The following FAM107B variants were observed in gnomAD, a reference collection of about 807,000 sequenced individuals.
FAM107B encodes the protein protein FAM107B.
A neutral mutation model predicts 31.5 loss-of-function variants in FAM107B; 21 were observed. The observed-to-expected ratio is 0.67, with a 90% confidence interval of 0.47 to 0.96. The LOEUF (loss-of-function observed/expected upper bound fraction) is 0.96, where lower values mean the gene tolerates loss of function less well. Ranked by LOEUF, FAM107B falls within the 40% of genes least tolerant of loss-of-function variation. The probability of loss-of-function intolerance (pLI) is 0.00; values close to 1 mark genes in which losing one functional copy is unlikely to be tolerated. For missense variants in FAM107B, 452 were observed against 377.1 expected, an observed-to-expected ratio of 1.20 and a Z score of -1.64; for synonymous variants, 157 against 141.5, an observed-to-expected ratio of 1.11 and a Z score of -0.78.
chr10:14,652,242 AC>A (rs1853919986), intron 2 of FAM107B, among the ~76,000 whole-genome samples: 1 of 152,140 alleles, frequency 6.6e-6, no homozygotes, highest in Admixed American at 6.6e-5. Context: ...CCATGAGCTC[AC>A]CCTCCTGCAG....
intron 1 of FAM107B, among the ~76,000 whole-genome samples, chr10:14,694,962 C>T (rs991257351): frequency 3.3e-5 from 5 of 152,040 alleles, no homozygotes; most frequent in African/African-American, 7.2e-5. Context: ...TGTTTCACTA[C>T]GATGATGGTT....
At chr10:14,578,185 G>A (rs1458062790) in intron 2 of FAM107B, among the ~76,000 whole-genome samples, 1 of 152,190 alleles carries the variant, frequency 6.6e-6, no homozygotes. Context: ...TCTGTTAACT[G>A]CAAGCAGGTG....
chr10:14,724,957 G>A (rs1192403195), intron 1 of FAM107B, among the ~76,000 whole-genome samples: 1 of 152,170 alleles, frequency 6.6e-6, no homozygotes, highest in African/African-American at 2.4e-5. Flanking sequence ...CATCCACAAG[G>A]CTCCCATAAC....
intron 1 of FAM107B, chr10:14,723,339 C>T: frequency 1.8e-6 from 1 of 544,360 alleles, no homozygotes; most frequent in Non-Finnish European, 3.6e-6. Context: ...GGCTAAGTAG[C>T]AGTGAACTCA....
At chr10:14,622,109 C>T (rs993456707) in intron 2 of FAM107B, among the ~76,000 whole-genome samples, 2 of 152,142 alleles carry the variant, frequency 1.3e-5, no homozygotes, top group Non-Finnish European at 1.5e-5. Flanking sequence ...TTAATAAAGT[C>T]CATCTTTCAA....
intron 2 of FAM107B, among the ~76,000 whole-genome samples, chr10:14,564,782 C>T: frequency 6.6e-6 from 1 of 152,168 alleles, no homozygotes; most frequent in African/African-American, 2.4e-5. Flanking sequence ...ACTAACAATC[C>T]AACTGAAAGG....
At chr10:14,597,929 G>A (rs1852240533) in intron 2 of FAM107B, among the ~76,000 whole-genome samples, 1 of 152,154 alleles carries the variant, frequency 6.6e-6, no homozygotes, top group Non-Finnish European at 1.5e-5. Flanking sequence ...CAGCCTGGGT[G>A]ACAGAGTGAG....
chr10:14,755,496 C>CAAA (rs561070511), intron 1 of FAM107B, among the ~76,000 whole-genome samples: 1 of 113,838 alleles, frequency 8.8e-6, no homozygotes, highest in Non-Finnish European at 1.9e-5. Context: ...GATTCTGTCT[C>CAAA]AAAAAAAAAA....
At chr10:14,583,468 G>C (rs111751520) in intron 2 of FAM107B, among the ~76,000 whole-genome samples, 1 of 152,100 alleles carries the variant, frequency 6.6e-6, no homozygotes, top group African/African-American at 2.4e-5. Context: ...TCACCTTAGC[G>C]GGAAGTCACC....
At chr10:14,680,081 C>T (rs760538912) in intron 1 of FAM107B, among the ~76,000 whole-genome samples, 2 of 152,154 alleles carry the variant, frequency 1.3e-5, no homozygotes, top group Non-Finnish European at 2.9e-5. Flanking sequence ...TTCTGTCCCT[C>T]TAGAGAACCC....
intron 1 of FAM107B, among the ~76,000 whole-genome samples, chr10:14,726,916 T>G (rs575386914): frequency 6.6e-6 from 1 of 152,090 alleles, no homozygotes; most frequent in African/African-American, 2.4e-5. Flanking sequence ...TCTAATGAAA[T>G]AAGTATGCAA....
At chr10:14,599,642 T>C (rs1415524704) in intron 2 of FAM107B, among the ~76,000 whole-genome samples, 1 of 152,016 alleles carries the variant, frequency 6.6e-6, no homozygotes, top group African/African-American at 2.4e-5. Flanking sequence ...ATCTCTACAG[T>C]TTTTTAAAAA....
chr10:14,638,993 C>T (rs1588675890), intron 2 of FAM107B, among the ~76,000 whole-genome samples: 1 of 152,036 alleles, frequency 6.6e-6, no homozygotes, highest in East Asian at 1.9e-4. Flanking sequence ...GATTTCGAGA[C>T]CAGTCTGAGT....
intron 1 of FAM107B, among the ~76,000 whole-genome samples, chr10:14,748,101 G>A (rs1368539480): frequency 6.6e-6 from 1 of 152,156 alleles, no homozygotes. Context: ...TTCTATCAAA[G>A]CACTTACTGT....
chr10:14,705,023 CA>C lies in FAM107B; in HGVS notation c.412-37333del, dbSNP rs57922026. 3.6e-3 allele frequency among the ~76,000 whole-genome samples: 320 copies of C among 87,904 alleles called. 1 individual carries two copies. Among genetic ancestry groups the C allele is most frequent in the African/African-American group, 0.012 (244 of 21,106 alleles). The allele number at this position is 87,904 out of a possible 152,430, so 57.7% of individuals were successfully genotyped here. Reference sequence around the variant, plus strand: ...TGAGCAATGGAGTGAGACCCTGTCACAAAAAAAAAAAAAAAAAAAATAGACA... The same window carrying C: ...TGAGCAATGGAGTGAGACCCTGTCACAAAAAAAAAAAAAAAAAAATAGACA... On this transcript the variant is annotated intron_variant, in intron 1 of 4. Transcript: ENST00000181796.
intron 2 of FAM107B, among the ~76,000 whole-genome samples, chr10:14,613,972 A>G (rs4388768): frequency 0.048 from 7,235 of 152,098 alleles, 191 homozygotes; most frequent in Middle Eastern, 0.075. Context: ...CTCTACTAAA[A>G]ATACAAAAAT....
At chr10:14,542,059 AC>A (rs1171415780) in intron 2 of FAM107B, among the ~76,000 whole-genome samples, 3 of 152,042 alleles carry the variant, frequency 2.0e-5, no homozygotes, top group African/African-American at 7.2e-5. Flanking sequence ...GGAGTTTGAG[AC>A]CAGCTTGGCC....
intron 1 of FAM107B, among the ~76,000 whole-genome samples, chr10:14,731,507 G>A (rs1021658258): frequency 3.3e-5 from 5 of 152,060 alleles, no homozygotes; most frequent in East Asian, 3.9e-4. Context: ...GGTTGCAGTG[G>A]GCCAAGATTG....
chr10:14,556,196 T>C (rs1849685646), intron 2 of FAM107B: 1 of 214,492 alleles, frequency 4.7e-6, no homozygotes. Context: ...AACAGCACTA[T>C]TTGACTAACA....
Sources: gnomAD v4.1 joint callset for allele counts (sites outside exome capture counted in the v4.1 genomes callset) on GRCh38, gnomAD v4.1.1 for gene constraint, MANE v1.5 for transcripts, NCBI Gene and HGNC (gene_info 2026-07-23, HGNC 2026-07-21) for gene names.